SGCZ: variants seen among roughly 807,000 people sequenced by gnomAD.
SGCZ encodes zeta-sarcoglycan.
A neutral mutation model predicts 41.3 loss-of-function variants in SGCZ; 40 were observed. That is an observed-to-expected ratio of 0.97 (90% CI 0.75 to 1.26). SGCZ has a LOEUF of 1.26. Ranked by LOEUF, SGCZ falls within the 50% of genes most tolerant of loss-of-function variation. The probability of loss-of-function intolerance (pLI) is 0.00; values close to 1 mark genes in which losing one functional copy is unlikely to be tolerated. For missense variants in SGCZ, 552 were observed against 369.8 expected (o/e 1.49, Z -4.04); for synonymous variants, 206 against 137.5 (o/e 1.50, Z -3.49).
At chr8:15,086,039 CTGG>C (rs1462855247) in intron 1 of SGCZ, among the ~76,000 whole-genome samples, 1 of 152,104 alleles carries the variant, frequency 6.6e-6, no homozygotes, top group African/African-American at 2.4e-5. Flanking sequence ...CTTCTAGAGC[CTGG>C]TGATTTTGTG....
At chr8:14,118,982 A>C (rs1430289201) in intron 5 of SGCZ, among the ~76,000 whole-genome samples, 1 of 152,040 alleles carries the variant, frequency 6.6e-6, no homozygotes, top group Admixed American at 6.6e-5. Context: ...TTATAGTTTG[A>C]AGTCTGGTAG....
intron 1 of SGCZ, among the ~76,000 whole-genome samples, chr8:14,806,458 C>A: frequency 1.3e-5 from 2 of 151,852 alleles, no homozygotes; most frequent in South Asian, 4.2e-4. Context: ...AACACCTCTA[C>A]GCAAATAAAC....
intron 2 of SGCZ, among the ~76,000 whole-genome samples, chr8:14,361,612 G>C (rs4330692): frequency 0.014 from 2,159 of 152,198 alleles, 44 homozygotes; most frequent in East Asian, 0.044. Flanking sequence ...GCTTCCTTGC[G>C]ATGGGTTAGA....
At chr8:14,428,667 G>A (rs1005661220) in intron 2 of SGCZ, among the ~76,000 whole-genome samples, 10 of 152,228 alleles carry the variant, frequency 6.6e-5, no homozygotes, top group African/African-American at 2.4e-4. Context: ...CAGCAGAATC[G>A]GTTACGTGCA....
rs368128642 is a variant in SGCZ, at chr8:14,963,680, G to C, written c.39+273905C>G. On this transcript the variant is annotated intron_variant, in intron 1 of 7. Coordinates refer to ENST00000382080, the MANE Select transcript of SGCZ (RefSeq NM_139167.4). ...CATTTTCTAATTTTCAAATAGTATT[G>C]TTTTGGAATTCAAGCTAGCTCTAGA... Among the ~76,000 whole-genome samples the C allele has an allele frequency of 2.2e-4, 34 of 152,216 alleles. No individual in the cohort carries two copies. In the South Asian group the frequency reaches 6.8e-3, roughly 31 times the overall value.
At chr8:14,151,835 A>G (rs1803719096) in intron 5 of SGCZ, among the ~76,000 whole-genome samples, 1 of 152,138 alleles carries the variant, frequency 6.6e-6, no homozygotes, top group Non-Finnish European at 1.5e-5. Context: ...ACAAGTGTGT[A>G]AAAAGAAATA....
intron 5 of SGCZ, among the ~76,000 whole-genome samples, chr8:14,133,481 G>C (rs538297526): frequency 6.6e-6 from 1 of 152,182 alleles, no homozygotes; most frequent in Admixed American, 6.5e-5. Flanking sequence ...GGTTACAAGA[G>C]ACACATACAA....
At chr8:14,365,030 A>T (rs1803647045) in intron 2 of SGCZ, among the ~76,000 whole-genome samples, 1 of 152,046 alleles carries the variant, frequency 6.6e-6, no homozygotes. Flanking sequence ...CTATGGTAAA[A>T]TGTACATATA....
chr8:14,371,344 GACA>G (rs1803901850), intron 2 of SGCZ, among the ~76,000 whole-genome samples: 2 of 151,932 alleles, frequency 1.3e-5, no homozygotes, highest in African/African-American at 4.8e-5. Flanking sequence ...TCAGTTAAAT[GACA>G]ACATTTTCTG....
At chr8:14,146,621 A>T (rs2116937946) in intron 5 of SGCZ, among the ~76,000 whole-genome samples, 1 of 152,218 alleles carries the variant, frequency 6.6e-6, no homozygotes, top group African/African-American at 2.4e-5. Flanking sequence ...AAAAATAATA[A>T]CTACACTTTG....
intron 3 of SGCZ, among the ~76,000 whole-genome samples, chr8:14,245,978 T>A (rs562954287): frequency 5.9e-5 from 9 of 152,236 alleles, no homozygotes; most frequent in African/African-American, 1.4e-4. Context: ...GAAAAATAGG[T>A]ACACTTTTAC....
chr8:14,805,998 T>C (rs1801511044), intron 1 of SGCZ, among the ~76,000 whole-genome samples: 1 of 150,356 alleles, frequency 6.7e-6, no homozygotes, highest in South Asian at 2.1e-4. Flanking sequence ...CATAACGAAA[T>C]GAAGGCAGAA....
At chr8:14,429,768 T>G (rs1274044938) in intron 2 of SGCZ, among the ~76,000 whole-genome samples, 2 of 150,370 alleles carry the variant, frequency 1.3e-5, no homozygotes, top group Non-Finnish European at 3.0e-5. Flanking sequence ...TTTACATTTG[T>G]AAACAAAGTT....
chr8:14,378,271 T>C (rs1194563176), intron 2 of SGCZ, among the ~76,000 whole-genome samples: 1 of 151,948 alleles, frequency 6.6e-6, no homozygotes, highest in Non-Finnish European at 1.5e-5. Flanking sequence ...TGCATTTCTC[T>C]GATGGCCAGT....
intron 1 of SGCZ, among the ~76,000 whole-genome samples, chr8:14,876,850 G>C (rs553123581): frequency 6.6e-6 from 1 of 152,136 alleles, no homozygotes; most frequent in African/African-American, 2.4e-5. Context: ...TGTTCCTCAG[G>C]CCACCTCTCT....
chr8:14,650,528 C>T (rs900141706), intron 1 of SGCZ, among the ~76,000 whole-genome samples: 1 of 151,820 alleles, frequency 6.6e-6, no homozygotes, highest in African/African-American at 2.4e-5. Flanking sequence ...TAAGGTAGGC[C>T]CCAGTGTCTG....
chr8:14,665,676 T>A (rs1807888299), intron 1 of SGCZ, among the ~76,000 whole-genome samples: 1 of 152,128 alleles, frequency 6.6e-6, no homozygotes, highest in African/African-American at 2.4e-5. Context: ...ATCTTGGAGC[T>A]TTTCATACCC....
chr8:14,795,150 T>G (rs1174450730), intron 1 of SGCZ, among the ~76,000 whole-genome samples: 1 of 152,150 alleles, frequency 6.6e-6, no homozygotes, highest in African/African-American at 2.4e-5. Context: ...AATGGATGAT[T>G]GAATGGTTAA....
chr8:14,820,572 C>T (rs1053343631), intron 1 of SGCZ, among the ~76,000 whole-genome samples: 1 of 152,006 alleles, frequency 6.6e-6, no homozygotes, highest in Non-Finnish European at 1.5e-5. Context: ...GAACATTTTC[C>T]AGGATAGATT....
Sources: allele counts gnomAD v4.1 joint callset (sites outside exome capture counted in the v4.1 genomes callset), GRCh38; gene constraint gnomAD v4.1.1; transcripts MANE v1.5; gene names NCBI Gene and HGNC (gene_info 2026-07-23, HGNC 2026-07-21).